HDAC4: variants seen among roughly 807,000 people sequenced by gnomAD.
HDAC4 encodes the protein histone deacetylase A.
HDAC4 carries 16 observed loss-of-function variants against 135.1 expected under a neutral mutation model. That is an observed-to-expected ratio of 0.12 (90% CI 0.08 to 0.18). The LOEUF is 0.18. Among genes scored for constraint, HDAC4 ranks in the 10% least tolerant of loss-of-function variants. The pLI is 1.00. For synonymous variants in HDAC4, 685 were observed against 653.4 expected, an observed-to-expected ratio of 1.05 and a Z score of -0.74; for missense variants, 1,143 against 1,511.8, an observed-to-expected ratio of 0.76 and a Z score of 4.05.
chr2:239,073,471 C>T (rs2034407833), intron 22 of HDAC4, among the ~76,000 whole-genome samples: 1 of 152,254 alleles, frequency 6.6e-6, no homozygotes, highest in Non-Finnish European at 1.5e-5. Context: ...GTGCCCAAGA[C>T]AGGACAGACA....
chr2:239,235,438 G>A (rs1312830105), intron 3 of HDAC4, among the ~76,000 whole-genome samples: 1 of 152,260 alleles, frequency 6.6e-6, no homozygotes, highest in Non-Finnish European at 1.5e-5. Flanking sequence ...ACAGGCGGCA[G>A]CAAAGGCTGA....
chr2:239,052,634 T>G lies in HDAC4; in HGVS notation c.*463A>C. On this transcript the variant is annotated 3_prime_UTR_variant, in exon 27 of 27. Coordinates refer to ENST00000543185, the MANE Select transcript of HDAC4 (RefSeq NM_001378414.1). ...AAAAAAAAATAAGCTACAAGATGAG[T>G]CGAGTGGTTTACACAGAGACTGTGG... The G allele has an allele frequency of 5.7e-6, 1 of 175,928 alleles. No homozygotes were observed. Among genetic ancestry groups the G allele is most frequent in the East Asian group, 1.5e-4 (1 of 6,776 alleles). The allele number at this position is 175,928 out of a possible 1,614,324, so 10.9% of individuals were successfully genotyped here.
intron 15 of HDAC4, among the ~76,000 whole-genome samples, chr2:239,105,391 C>A (rs1004875499): frequency 1.3e-5 from 2 of 152,198 alleles, no homozygotes; most frequent in Non-Finnish European, 1.5e-5. Flanking sequence ...GGGCGGGGCC[C>A]GCACACACAC....
At chr2:239,193,171 G>T (rs1351311710) in intron 3 of HDAC4, among the ~76,000 whole-genome samples, 1 of 152,212 alleles carries the variant, frequency 6.6e-6, no homozygotes, top group Non-Finnish European at 1.5e-5. Flanking sequence ...GTCACCCAAG[G>T]TCCCATGTAG....
At position 239,094,252 on chromosome 2, in the gene HDAC4, C is replaced by T. The variant is rs182987937; in HGVS notation, c.2280+758G>A. ...CCGCCCTCGCTATTGCCACCCCTGCCCAGGCTGCATCAAGGAGGTCAGGGG... is the reference window on the plus strand; with the variant it reads ...CCGCCCTCGCTATTGCCACCCCTGCTCAGGCTGCATCAAGGAGGTCAGGGG... On this transcript the variant is annotated intron_variant, in intron 17 of 26. Transcript: ENST00000543185. 509 of 985,448 alleles carry T rather than the reference C, an allele frequency of 5.2e-4. 2 individuals carry two copies. The African/African-American group carries it at 8.4e-3, about 16-fold the overall frequency. The allele number at this position is 985,448 out of a possible 1,614,324, so 61.0% of individuals were successfully genotyped here.
chr2:239,345,835 GTC>G (rs1159466074), intron 2 of HDAC4, among the ~76,000 whole-genome samples: 1 of 92,586 alleles, frequency 1.1e-5, no homozygotes, highest in South Asian at 3.9e-4. Context: ...ACACACCCCC[GTC>G]TCACACACAT....
At chr2:239,272,718 C>A (rs2050123106) in intron 2 of HDAC4, among the ~76,000 whole-genome samples, 1 of 152,224 alleles carries the variant, frequency 6.6e-6, no homozygotes, top group Non-Finnish European at 1.5e-5. Context: ...TCTGCACTCA[C>A]CCCCAATGCA....
Position 239,141,031 on chromosome 2 carries a change from A to G in HDAC4, c.866-1235T>C. ...AAACTTTGCCTTTATTAGCTCATCC[A>G]TCTCTCAGTCACTGTTTGAGGAAGG... On this transcript the variant is annotated intron_variant, in intron 8 of 26. Coordinates refer to ENST00000543185, the MANE Select transcript of HDAC4 (RefSeq NM_001378414.1). This position sits in a 1 kb window ranked among gnomAD's most constrained non-coding sequence, Gnocchi z 4.9. 1 of 342,274 alleles carries G rather than the reference A, an allele frequency of 2.9e-6. No individual in the cohort carries two copies. The highest frequency in any genetic ancestry group is 2.2e-5 in the South Asian group (1 of 44,926). 21.2% of individuals were successfully genotyped at this position (342,274 alleles called of 1,614,324 possible). A position where few individuals can be genotyped will look rare whatever the true frequency, so the allele number is the denominator to read the frequency against.
At chr2:239,134,102 C>T (rs111388902) in intron 11 of HDAC4, 143 bp downstream of exon 11, 20 of 704,852 alleles carry the variant, frequency 2.8e-5, no homozygotes, top group Admixed American at 1.8e-4. Flanking sequence ...GGCTACATCA[C>T]GTGATGGGGA....
At position 239,141,266 on chromosome 2, in the gene HDAC4, T is replaced by G. The variant is rs1468041579; in HGVS notation, c.866-1470A>C. On this transcript the variant is annotated intron_variant, in intron 8 of 26. Coordinates refer to ENST00000543185, the MANE Select transcript of HDAC4 (RefSeq NM_001378414.1). This position sits in a 1 kb window ranked among gnomAD's most constrained non-coding sequence, Gnocchi z 4.9. ...TCTTGCCCTCAACAGCAGGGCAGTC[T>G]AAACCTCCCAAGGGCAAACCAGGGT... 6.6e-6 allele frequency among the ~76,000 whole-genome samples: 1 copy of G among 152,060 alleles called. No individual in the cohort carries two copies. Among genetic ancestry groups the G allele is most frequent in the Non-Finnish European group, 1.5e-5 (1 of 67,998 alleles).
chr2:239,346,143 A>C (rs1349883606), intron 2 of HDAC4, among the ~76,000 whole-genome samples: 3 of 150,814 alleles, frequency 2.0e-5, no homozygotes, highest in African/African-American at 7.3e-5. Context: ...CCCATCTCAC[A>C]CATGCACTCA....
chr2:239,298,000 T>C (rs1009541415), intron 2 of HDAC4, among the ~76,000 whole-genome samples: 2 of 152,038 alleles, frequency 1.3e-5, no homozygotes, highest in Non-Finnish European at 2.9e-5. Context: ...CCACCACTAC[T>C]GATGCTGAGA....
intron 4 of HDAC4, among the ~76,000 whole-genome samples, chr2:239,182,883 C>T (rs1287193011): frequency 5.9e-5 from 9 of 152,192 alleles, no homozygotes; most frequent in Non-Finnish European, 1.5e-5. Context: ...ACTTATTCTC[C>T]ATGGGAACCC....
rs2290092 is a variant in HDAC4 at position 239,189,825 on chromosome 2, C to T, written c.339+8G>A. On this transcript the variant is annotated splice_region_variant and intron_variant, in intron 4 of 26. Transcript: ENST00000543185. ...CTGGCCCACCCGCAGCCCCGCACCG[C>T]GCCTCACCTTGATGTGCTCGTGGAG... is the stretch of plus-strand genomic sequence containing the variant. 0.098 allele frequency: 157,362 copies of T among 1,602,296 alleles called. 8,473 individuals carry two copies. Among genetic ancestry groups the T allele is most frequent in the Non-Finnish European group, 0.11 (129,489 of 1,178,678 alleles).
At chr2:239,055,748 A>G (rs1315930684) in intron 24 of HDAC4, among the ~76,000 whole-genome samples, 1 of 150,608 alleles carries the variant, frequency 6.6e-6, no homozygotes, top group Non-Finnish European at 1.5e-5. Context: ...GAAATGGATT[A>G]TAAAAATATA....
At chr2:239,242,990 T>G (rs2048273658) in intron 2 of HDAC4, among the ~76,000 whole-genome samples, 1 of 151,614 alleles carries the variant, frequency 6.6e-6, no homozygotes, top group Non-Finnish European at 1.5e-5. Context: ...GCCCAGGGGG[T>G]TTTTGGGAAC....
chr2:239,192,145 A>G (rs1192784840), intron 3 of HDAC4, among the ~76,000 whole-genome samples: 3 of 152,096 alleles, frequency 2.0e-5, no homozygotes, highest in African/African-American at 4.8e-5. Context: ...AATGTGCGGA[A>G]GCAGGGAGTA....
rs145692933 is a variant in HDAC4 at position 239,304,195 on chromosome 2, C to T, written c.22+48483G>A. On this transcript the variant is annotated intron_variant, in intron 2 of 26. Coordinates refer to ENST00000543185, the MANE Select transcript of HDAC4 (RefSeq NM_001378414.1). ...AAGCCCAGAGCTAGAATGCCTCAAGCAGTGTGAGCTCGGGGAAGAAGTCCA... is the reference window on the plus strand; with the variant it reads ...AAGCCCAGAGCTAGAATGCCTCAAGTAGTGTGAGCTCGGGGAAGAAGTCCA... Among the ~76,000 whole-genome samples the T allele has an allele frequency of 3.2e-4, 48 of 152,194 alleles. No individual in the cohort carries two copies. The East Asian group carries it at 8.7e-3, about 28-fold the overall frequency.
chr2:239,111,774 C>T (rs61394720), intron 13 of HDAC4, 62 bp from the exon 14 acceptor site: 2 of 1,467,080 alleles, frequency 1.4e-6, no homozygotes, highest in Non-Finnish European at 1.9e-6. Context: ...GGCTGCAGGG[C>T]TAGGGGTTGC....
Sources: allele counts gnomAD v4.1 joint callset (sites outside exome capture counted in the v4.1 genomes callset), GRCh38; gene constraint gnomAD v4.1.1; non-coding constraint Gnocchi (gnomAD v3.1); transcripts MANE v1.5; gene names NCBI Gene and HGNC (gene_info 2026-07-23, HGNC 2026-07-21).